Variants in CAST observed in about 807,000 individuals in gnomAD.
The protein encoded by CAST is calpastatin.
A neutral mutation model predicts 119.6 loss-of-function variants in CAST; 76 were observed. The observed-to-expected ratio is 0.64, with a 90% CI of 0.53 to 0.77. The LOEUF (loss-of-function observed/expected upper bound fraction) is 0.77, where lower values mean the gene tolerates loss of function less well. Ranked by LOEUF, CAST falls within the 30% of genes least tolerant of loss-of-function variation. The pLI, the probability that CAST is intolerant of heterozygous loss-of-function variation, is 0.00. For missense variants in CAST, 953 were observed against 946.5 expected, an observed-to-expected ratio of 1.01 and a Z score of -0.09; for synonymous variants, 319 against 331.6, an observed-to-expected ratio of 0.96 and a Z score of 0.41.
At chr5:96,443,918 T>G in the CAST span, among the ~76,000 whole-genome samples, 13 of 152,224 alleles carry the variant, frequency 8.5e-5, no homozygotes, top group Admixed American at 7.9e-4. Context: ...CTTAACTATC[T>G]CAATTCTCTA....
the CAST span, among the ~76,000 whole-genome samples, chr5:95,990,538 A>C: frequency 1.1e-4 from 16 of 152,154 alleles, 1 homozygote; most frequent in South Asian, 3.3e-3. Context: ...CCCACCAGTC[A>C]CCTTTAAAAT....
chr5:96,393,555 C>T, the CAST span, among the ~76,000 whole-genome samples: 1 of 152,160 alleles, frequency 6.6e-6, no homozygotes, highest in African/African-American at 2.4e-5. Flanking sequence ...TTTGCCTACC[C>T]TCTGGGGTAC....
At chr5:96,328,957 G>A in the CAST span, among the ~76,000 whole-genome samples, 3 of 152,148 alleles carry the variant, frequency 2.0e-5, no homozygotes, top group African/African-American at 7.2e-5. Context: ...TGTCCTAACT[G>A]TGTTTTATTT....
At chr5:96,291,763 C>T in the CAST span, among the ~76,000 whole-genome samples, 4 of 151,730 alleles carry the variant, frequency 2.6e-5, no homozygotes, top group African/African-American at 4.8e-5. Context: ...CTCCAGGAGT[C>T]ATAGACCCAT....
the CAST span, among the ~76,000 whole-genome samples, chr5:96,100,525 A>C: frequency 6.6e-6 from 1 of 152,288 alleles, no homozygotes; most frequent in East Asian, 1.9e-4. Flanking sequence ...GGAGTGGAGT[A>C]TACTGTGTTG....
chr5:96,225,349 T>C, the CAST span, among the ~76,000 whole-genome samples: 1 of 152,166 alleles, frequency 6.6e-6, no homozygotes, highest in African/African-American at 2.4e-5. Flanking sequence ...TAGAATGATA[T>C]ATACACATTA....
chr5:96,509,464 C>A, the CAST span, among the ~76,000 whole-genome samples: 1 of 152,166 alleles, frequency 6.6e-6, no homozygotes, highest in South Asian at 2.1e-4. Context: ...CACCAGAAAT[C>A]TGACCTTTCA....
the CAST span, among the ~76,000 whole-genome samples, chr5:96,174,999 C>T: frequency 2.0e-5 from 3 of 152,020 alleles, no homozygotes; most frequent in African/African-American, 4.8e-5. Context: ...ATACTTTTTA[C>T]TAGATTTTCT....
the CAST span, among the ~76,000 whole-genome samples, chr5:95,963,996 A>G: frequency 6.6e-6 from 1 of 152,188 alleles, no homozygotes; most frequent in African/African-American, 2.4e-5. Context: ...GCTTCTTACT[A>G]GTAATTGACT....
At chr5:96,520,587 G>T (rs1432845533), upstream of CAST, among the ~76,000 whole-genome samples, 1 of 152,078 alleles carries the variant, frequency 6.6e-6, no homozygotes, top group Admixed American at 6.6e-5. Context: ...CTGTGTGTGT[G>T]TGTCTGTGTA....
At chr5:96,511,421 C>T in the CAST span, among the ~76,000 whole-genome samples, 1 of 141,544 alleles carries the variant, frequency 7.1e-6, no homozygotes, top group Non-Finnish European at 1.6e-5. Context: ...GGATTACAGG[C>T]GTGAGCCACT....
intron 1 of CAST, among the ~76,000 whole-genome samples, chr5:96,665,242 C>T (rs1749166337): frequency 6.6e-6 from 1 of 152,164 alleles, no homozygotes; most frequent in Non-Finnish European, 1.5e-5. Context: ...TCCAAGGAGC[C>T]ACTTTAACAA....
the CAST span, among the ~76,000 whole-genome samples, chr5:96,283,457 T>C: frequency 1.3e-5 from 2 of 152,220 alleles, no homozygotes; most frequent in Non-Finnish European, 2.9e-5. Flanking sequence ...TCAGATCACT[T>C]TCCTGGCCGC....
At chr5:96,139,966 G>A in the CAST span, among the ~76,000 whole-genome samples, 4 of 152,112 alleles carry the variant, frequency 2.6e-5, no homozygotes, top group Non-Finnish European at 4.4e-5. Context: ...GGAATAAAAA[G>A]GGTTACTAGT....
chr5:96,629,902 A>G (rs1453700386), intron 1 of CAST, among the ~76,000 whole-genome samples: 1 of 152,162 alleles, frequency 6.6e-6, no homozygotes, highest in Non-Finnish European at 1.5e-5. Context: ...TGAATTTGCA[A>G]ACACAGATTT....
the CAST span, among the ~76,000 whole-genome samples, chr5:96,518,967 C>T: frequency 2.0e-5 from 3 of 151,672 alleles, no homozygotes; most frequent in African/African-American, 7.3e-5. Context: ...GAGGCTGAGG[C>T]AGAGAATTGC....
chr5:96,297,827 G>T, the CAST span, among the ~76,000 whole-genome samples: 1 of 151,784 alleles, frequency 6.6e-6, no homozygotes, highest in African/African-American at 2.4e-5. Flanking sequence ...CATAGTTTAT[G>T]GTGTCTTTCC....
the CAST span, among the ~76,000 whole-genome samples, chr5:96,444,071 T>C: frequency 4.6e-5 from 7 of 152,172 alleles, no homozygotes; most frequent in African/African-American, 1.7e-4. Context: ...AACAATTTCT[T>C]TTGGTTGAAT....
At chr5:96,487,754 C>T in the CAST span, among the ~76,000 whole-genome samples, 1 of 152,166 alleles carries the variant, frequency 6.6e-6, no homozygotes, top group African/African-American at 2.4e-5. Flanking sequence ...AAGGGCAGAT[C>T]CAAAATTTTA....
Sources: allele counts gnomAD v4.1 joint callset (sites outside exome capture counted in the v4.1 genomes callset), GRCh38; gene constraint gnomAD v4.1.1; transcripts MANE v1.5; gene names NCBI Gene and HGNC (gene_info 2026-07-23, HGNC 2026-07-21).